The following TMEM178B variants were observed in gnomAD, a reference collection of about 807,000 sequenced individuals.
TMEM178B encodes transmembrane protein 178B.
A neutral mutation model predicts 31.0 loss-of-function variants in TMEM178B; 5 were observed. The ratio of observed to expected loss-of-function variants is 0.16; its 90% confidence interval spans 0.08 to 0.34. The LOEUF (loss-of-function observed/expected upper bound fraction) is 0.34. TMEM178B is among the 10% of genes least tolerant of loss of function. TMEM178B has a pLI of 1.00. For missense variants in TMEM178B, 275 were observed against 400.3 expected (o/e 0.69, Z 2.67); for synonymous variants, 164 against 164.0 (o/e 1.00, Z 0.00).
At chr7:141,505,461 C>G in the TMEM178B span, among the ~76,000 whole-genome samples, 2,428 of 152,336 alleles carry the variant, frequency 0.016, 71 homozygotes, top group African/African-American at 0.056. Flanking sequence ...GAACTCAGCT[C>G]CCCTTGTGTC....
chr7:141,445,535 A>C (rs1801737213), intron 3 of TMEM178B, among the ~76,000 whole-genome samples: 2 of 152,202 alleles, frequency 1.3e-5, no homozygotes, highest in Non-Finnish European at 2.9e-5. Context: ...TTACTTTTGC[A>C]CAAACCTAAT....
chr7:141,358,517 T>C (rs1274690440), intron 2 of TMEM178B, among the ~76,000 whole-genome samples: 1 of 152,202 alleles, frequency 6.6e-6, no homozygotes, highest in Non-Finnish European at 1.5e-5. Flanking sequence ...GACAGGGATG[T>C]TCTTTGTTCC....
intron 2 of TMEM178B, among the ~76,000 whole-genome samples, chr7:141,311,924 CAG>C (rs963143973): frequency 1.8e-4 from 28 of 152,136 alleles, no homozygotes; most frequent in Non-Finnish European, 3.8e-4. Flanking sequence ...GACAACTGGA[CAG>C]AGTCAAGGGA....
the TMEM178B span, among the ~76,000 whole-genome samples, chr7:141,488,976 A>T: frequency 6.6e-6 from 1 of 152,014 alleles, no homozygotes; most frequent in East Asian, 1.9e-4. Flanking sequence ...AGGGAGGAGG[A>T]GGAGGAGGAG....
intron 2 of TMEM178B, among the ~76,000 whole-genome samples, chr7:141,404,001 A>G (rs1367732734): frequency 6.6e-5 from 10 of 152,186 alleles, no homozygotes; most frequent in Non-Finnish European, 1.5e-4. Flanking sequence ...GTCATATACC[A>G]GAGGCCTTAA....
intron 1 of TMEM178B, among the ~76,000 whole-genome samples, chr7:141,143,761 T>C (rs10233284): frequency 0.061 from 9,234 of 152,274 alleles, 944 homozygotes; most frequent in African/African-American, 0.21. Flanking sequence ...AAAATGACTT[T>C]GGTATCTTGA....
At chr7:141,139,940 A>G (rs1367990531) in intron 1 of TMEM178B, among the ~76,000 whole-genome samples, 1 of 151,652 alleles carries the variant, frequency 6.6e-6, no homozygotes, top group Non-Finnish European at 1.5e-5. Flanking sequence ...TAATTTTTGT[A>G]TTTTTAGTAG....
chr7:141,224,796 GACACCCCTTGGAGAGCTC>G (rs1392275925), intron 2 of TMEM178B, among the ~76,000 whole-genome samples: 1 of 152,176 alleles, frequency 6.6e-6, no homozygotes, highest in Non-Finnish European at 1.5e-5. Flanking sequence ...TGGGTGCGAT[GACACCCCTTGGAGAGCTC>G]TCGTCCTAGA....
At chr7:141,219,019 T>C (rs1005461) in intron 2 of TMEM178B, among the ~76,000 whole-genome samples, 121,191 of 152,216 alleles carry the variant, frequency 0.8, 48,513 homozygotes, top group Middle Eastern at 0.88. Context: ...AGATGAATGC[T>C]GTGGACCAAA....
At chr7:141,303,658 A>G (rs1449003661) in intron 2 of TMEM178B, among the ~76,000 whole-genome samples, 1 of 152,110 alleles carries the variant, frequency 6.6e-6, no homozygotes, top group Non-Finnish European at 1.5e-5. Context: ...GTGGAGAGAG[A>G]GCTTTAGGAT....
intron 2 of TMEM178B, among the ~76,000 whole-genome samples, chr7:141,389,929 A>C (rs1208847424): frequency 6.6e-6 from 1 of 152,150 alleles, no homozygotes; most frequent in Non-Finnish European, 1.5e-5. Flanking sequence ...CTTTTTAAGA[A>C]TGTGGCTGCT....
intron 2 of TMEM178B, among the ~76,000 whole-genome samples, chr7:141,261,864 T>C (rs912154149): frequency 2.0e-5 from 3 of 152,166 alleles, no homozygotes; most frequent in African/African-American, 7.2e-5. Flanking sequence ...ATTTTGCACC[T>C]TGAGCTTCAT....
chr7:141,123,046 G>A (rs1795434768), intron 1 of TMEM178B, among the ~76,000 whole-genome samples: 1 of 152,220 alleles, frequency 6.6e-6, no homozygotes, highest in Non-Finnish European at 1.5e-5. Context: ...TTCTGAGGCT[G>A]CTTCTGCTTC....
chr7:141,292,634 CTTTTTTTTTT>C (rs34248650), intron 2 of TMEM178B, among the ~76,000 whole-genome samples: 1 of 106,130 alleles, frequency 9.4e-6, no homozygotes, highest in Non-Finnish European at 1.8e-5. Flanking sequence ...GCTTTTAGAT[CTTTTTTTTTT>C]TTTTTTTTTT....
chr7:141,110,019 G>T (rs1054955827), intron 1 of TMEM178B, among the ~76,000 whole-genome samples: 3 of 151,944 alleles, frequency 2.0e-5, no homozygotes, highest in African/African-American at 7.3e-5. Flanking sequence ...ATGACTTATT[G>T]ATTAAAAGAT....
chr7:141,219,231 G>A (rs1488650561), intron 2 of TMEM178B, among the ~76,000 whole-genome samples: 1 of 152,124 alleles, frequency 6.6e-6, no homozygotes, highest in Admixed American at 6.5e-5. Context: ...GGAATCCGAG[G>A]GTGAGGGCTC....
intron 1 of TMEM178B, among the ~76,000 whole-genome samples, chr7:141,185,761 G>A (rs571495388): frequency 1.3e-5 from 2 of 152,148 alleles, no homozygotes; most frequent in East Asian, 1.9e-4. Context: ...ACCTCGGTCC[G>A]TGGGGGTGGA....
chr7:141,211,228 A>C (rs1190600367), intron 1 of TMEM178B, among the ~76,000 whole-genome samples: 4 of 152,110 alleles, frequency 2.6e-5, no homozygotes, highest in Non-Finnish European at 5.9e-5. Context: ...AGAGGCAGAA[A>C]AGTTGAAAAA....
At chr7:141,157,167 C>T (rs1335280835) in intron 1 of TMEM178B, among the ~76,000 whole-genome samples, 1 of 152,130 alleles carries the variant, frequency 6.6e-6, no homozygotes, top group African/African-American at 2.4e-5. Context: ...AGACAAGTCA[C>T]ATCGCCAATC....
Sources: allele counts gnomAD v4.1 joint callset (sites outside exome capture counted in the v4.1 genomes callset), GRCh38; gene constraint gnomAD v4.1.1; transcripts MANE v1.5; gene names NCBI Gene and HGNC (gene_info 2026-07-23, HGNC 2026-07-21).